S1PR5: variants seen among roughly 807,000 people sequenced by gnomAD.
S1PR5 encodes the protein sphingosine 1-phosphate receptor 5.
For missense variants in S1PR5, 583 were observed against 571.7 expected, an observed-to-expected ratio of 1.02 and a Z score of -0.20; for synonymous variants, 307 against 284.7, an observed-to-expected ratio of 1.08 and a Z score of -0.79.
At chr19:10,515,339 A>C (rs1026748816) in intron 1 of S1PR5, among the ~76,000 whole-genome samples, 1 of 151,876 alleles carries the variant, frequency 6.6e-6, no homozygotes, top group Non-Finnish European at 1.5e-5. Context: ...TAATCCCCCC[A>C]GGCTCAGGCC....
Position 10,514,157 on chromosome 19 carries a change from G to T in S1PR5, c.855C>A (p.Leu285=). The T allele has an allele frequency of 1.2e-6, 2 of 1,612,852 alleles. No individual in the cohort carries two copies. Among genetic ancestry groups the T allele is most frequent in the Non-Finnish European group, 1.7e-6 (2 of 1,179,810 alleles). Residue 285 remains leucine, a synonymous_variant, in exon 2 of 2, where the codon CTC becomes CTA. Coordinates refer to ENST00000333430, the MANE Select transcript of S1PR5 (RefSeq NM_030760.5). ...GTCCCAGGAAGGGATCGGCCTGCAG[G>T]AGTACAGGACAGGTGCGCGCCGGGC... ...VACPARTCPV[L]LQADPFLGLA...
chr19:10,515,510 G>A (rs1489379361), intron 1 of S1PR5, among the ~76,000 whole-genome samples: 1 of 152,152 alleles, frequency 6.6e-6, no homozygotes, highest in Non-Finnish European at 1.5e-5. Context: ...CTACTCCAGA[G>A]GCTGAGGCAG....
intron 1 of S1PR5, among the ~76,000 whole-genome samples, chr19:10,515,421 C>G (rs1915414706): frequency 4.6e-5 from 7 of 152,010 alleles, no homozygotes; most frequent in Admixed American, 4.6e-4. Context: ...ACCATCCTGG[C>G]TAACACGGTG....
intron 1 of S1PR5, among the ~76,000 whole-genome samples, chr19:10,516,866 CCACA>C (rs2144655842): frequency 6.6e-6 from 1 of 152,220 alleles, no homozygotes; most frequent in South Asian, 2.1e-4. Flanking sequence ...TTCCATGCTC[CCACA>C]CAAACATCCA....
intron 1 of S1PR5, among the ~76,000 whole-genome samples, chr19:10,515,296 G>C (rs903946861): frequency 1.3e-5 from 2 of 152,076 alleles, no homozygotes; most frequent in Non-Finnish European, 1.5e-5. Context: ...CACATGGCTG[G>C]GCGCGGTGGC....
rs553938709 is a variant in S1PR5 at position 10,515,646 on chromosome 19, G to A, written c.-18-617C>T. ...CCCCCTCCCCACCAAACACACACACGGCTGGGTGTGGTGGCTCACTCCTGT... is the reference window on the plus strand; with the variant it reads ...CCCCCTCCCCACCAAACACACACACAGCTGGGTGTGGTGGCTCACTCCTGT... On this transcript the variant is annotated intron_variant, in intron 1 of 1. Transcript: ENST00000333430. 8.6e-5 allele frequency among the ~76,000 whole-genome samples: 13 copies of A among 152,010 alleles called. No individual in the cohort carries two copies. In the East Asian group the frequency reaches 1.5e-3, roughly 18 times the overall value.
Position 10,514,080 on chromosome 19 carries a change from C to A in S1PR5, c.932G>T (p.Arg311Leu), listed in dbSNP as rs139761291. 6.2e-7 allele frequency: 1 copy of A among 1,612,486 alleles called. No individual in the cohort carries two copies. The highest frequency in any genetic ancestry group is 1.3e-5 in the African/African-American group (1 of 75,028). The part of the protein sequence containing the change: ...LNPIIYTLTN[R>L]DLRHALLRLV... ...GCGCAGGAGCGCGTGGCGCAGGTCG[C>A]GGTTGGTGAGCGTGTAGATGATGGG... The change falls in exon 2 of 2, where the codon CGC becomes CTC. Residue 311 changes from arginine (R) to leucine (L), a missense_variant. By Grantham distance (102) the Arg-to-Leu change is moderately radical. Transcript: ENST00000333430.
At position 10,517,443 on chromosome 19, in the gene S1PR5, C is replaced by G. The variant is rs1370396873; in HGVS notation, c.-64G>C. The G allele has an allele frequency of 1.0e-5, 10 of 985,536 alleles. No individual in the cohort carries two copies. The highest frequency in any genetic ancestry group is 2.3e-4 in the East Asian group (2 of 8,834). 61.0% of individuals were successfully genotyped at this position (985,536 alleles called of 1,614,324 possible). On this transcript the variant is annotated 5_prime_UTR_variant, in exon 1 of 2. Transcript: ENST00000333430. Reference sequence around the variant, plus strand: ...CACCCGCAGTCGCGCTGCCTTGAACCGAGTGAGCGGACGCCGCTCCGGGGG... The same window carrying G: ...CACCCGCAGTCGCGCTGCCTTGAACGGAGTGAGCGGACGCCGCTCCGGGGG...
rs146967230 is a variant in S1PR5, at chr19:10,514,772, C to T, written c.240G>A (p.Leu80=). 8.6e-4 allele frequency: 1,391 copies of T among 1,613,064 alleles called. 6 individuals carry two copies. Among genetic ancestry groups the T allele is most frequent in the Middle Eastern group, 1.2e-3 (7 of 6,056 alleles). The part of the protein sequence containing the change: ...PMFLLLGSLT[L]SDLLAGAAYA... ...AGGCGGCGCCTGCCAGCAGATCCGA[C>T]AACGTGAGGCTGCCCAGGAGCAGGA... The change falls in exon 2 of 2, where the codon TTG becomes TTA. Residue 80 remains leucine, a synonymous_variant. Transcript: ENST00000333430.
At chr19:10,517,707 G>A, upstream of S1PR5, 1 of 985,676 alleles carries the variant, frequency 1.0e-6, no homozygotes, top group Non-Finnish European at 1.2e-6. Flanking sequence ...GACTCGGAGA[G>A]GCGGGAAAGG....
In S1PR5 at chr19:10,517,415, C is replaced by T. The variant is rs1423285779; in HGVS notation, c.-36G>A. The stretch of plus-strand genomic sequence containing the variant: ...CCACTCACTCTGCGCCCTGGTCGTG[C>T]GCCACCCGCAGTCGCGCTGCCTTGA... On this transcript the variant is annotated 5_prime_UTR_variant, in exon 1 of 2. Coordinates refer to ENST00000333430, the MANE Select transcript of S1PR5 (RefSeq NM_030760.5). 4 of 985,488 alleles carry T rather than the reference C, an allele frequency of 4.1e-6. No homozygotes were observed. The highest frequency in any genetic ancestry group is 4.8e-6 in the Non-Finnish European group (4 of 830,078). 61.0% of individuals were successfully genotyped at this position (985,488 alleles called of 1,614,324 possible).
At chr19:10,517,730 G>C (rs1180091584), upstream of S1PR5, 30 of 983,480 alleles carry the variant, frequency 3.1e-5, no homozygotes, top group Non-Finnish European at 3.4e-5. Context: ...GGGTTCTGCA[G>C]CAGGGCGGTC....
rs1429526186 is a variant in S1PR5 at position 10,514,197 on chromosome 19, A to G, written c.815T>C (p.Leu272Ser). The stretch of plus-strand genomic sequence containing the variant: ...GCGCGCCGGGCACGCCACGTCGAGC[A>G]ACAGCAGCAGGAAGAGGGGGCCCCA... The part of the protein sequence containing the change: ...ACWGPLFLLL[L>S]LDVACPARTC... Residue 272 changes from leucine to serine, a missense_variant, in exon 2 of 2, where the codon TTG becomes TCG. Physicochemically the swap from Leu to Ser is moderately radical, Grantham distance 145. Coordinates refer to ENST00000333430, the MANE Select transcript of S1PR5 (RefSeq NM_030760.5). 3.7e-6 allele frequency: 6 copies of G among 1,612,112 alleles called. No individual in the cohort carries two copies.
intron 1 of S1PR5, 62 bp from the exon 2 acceptor site, chr19:10,515,091 G>C: frequency 4.7e-6 from 7 of 1,501,318 alleles, no homozygotes; most frequent in Non-Finnish European, 6.2e-6. Context: ...CGCAGCAGCC[G>C]GCTAAGTCGT....
chr19:10,513,003 A>C lies in S1PR5; in HGVS notation c.*812T>G, dbSNP rs1194562328. Reference sequence around the variant, plus strand: ...GGATTTGGCTGAGTCTCCCAGAGTCAAATTTGGGGGTGCCCCACCCTTGGC... The same window carrying C: ...GGATTTGGCTGAGTCTCCCAGAGTCCAATTTGGGGGTGCCCCACCCTTGGC... On this transcript the variant is annotated 3_prime_UTR_variant, in exon 2 of 2. Transcript: ENST00000333430. 3 of 152,226 alleles carry C rather than the reference A, an allele frequency of 2.0e-5. No individual in the cohort carries two copies. Among genetic ancestry groups the C allele is most frequent in the Non-Finnish European group, 4.4e-5 (3 of 68,058 alleles). The allele number at this position is 152,226 out of a possible 1,614,324, so 9.4% of individuals were successfully genotyped here.
Position 10,514,741 on chromosome 19 carries a change from C to T in S1PR5, c.271G>A (p.Ala91Thr). ...AGCGGCCCCGACAGTAGGATGTTGG[C>T]GGCGTAGGCGGCGCCTGCCAGCAGA... ...SDLLAGAAYA[A>T]NILLSGPLTL... The change falls in exon 2 of 2, where the codon GCC becomes ACC. Residue 91 changes from alanine to threonine, a missense_variant. By Grantham distance (58) the Ala-to-Thr change is moderately conservative. Coordinates refer to ENST00000333430, the MANE Select transcript of S1PR5 (RefSeq NM_030760.5). 6.2e-7 allele frequency: 1 copy of T among 1,611,392 alleles called. No individual in the cohort carries two copies. Among genetic ancestry groups the T allele is most frequent in the South Asian group, 1.1e-5 (1 of 90,894 alleles).
At chr19:10,516,835 T>G (rs748087949) in intron 1 of S1PR5, among the ~76,000 whole-genome samples, 16 of 152,058 alleles carry the variant, frequency 1.1e-4, no homozygotes, top group African/African-American at 3.9e-4. Flanking sequence ...AAATGCTTCG[T>G]ATCGAAGCAG....
At chr19:10,517,469 C>T (rs1325620485), upstream of S1PR5, 30 of 985,534 alleles carry the variant, frequency 3.0e-5, no homozygotes, top group Non-Finnish European at 3.1e-5. Context: ...GCTCCGGGGG[C>T]GGGGCTGGAG....
intron 1 of S1PR5, among the ~76,000 whole-genome samples, chr19:10,515,321 C>T (rs982924085): frequency 3.3e-5 from 5 of 152,028 alleles, no homozygotes; most frequent in African/African-American, 1.2e-4. Flanking sequence ...GCCTGTAATC[C>T]CCGCCTGTAA....
Sources: gnomAD v4.1 joint callset for allele counts (sites outside exome capture counted in the v4.1 genomes callset) on GRCh38, gnomAD v4.1.1 for gene constraint, MANE v1.5 for transcripts, NCBI Gene and HGNC (gene_info 2026-07-23, HGNC 2026-07-21) for gene names.